MATR3: variants seen among roughly 807,000 people sequenced by gnomAD.
The protein encoded by MATR3 is matrin-3.
Under a neutral mutation model 85.5 loss-of-function variants are expected in MATR3, and 4 were observed. The observed-to-expected ratio is 0.05, with a 90% confidence interval of 0.02 to 0.11. The LOEUF is 0.11. Among genes scored for constraint, MATR3 ranks in the 10% least tolerant of loss-of-function variants. The pLI, the probability that MATR3 is intolerant of heterozygous loss-of-function variation, is 1.00. For synonymous variants in MATR3, 336 were observed against 343.1 expected (o/e 0.98, Z 0.23); for missense variants, 685 against 1,016.1 (o/e 0.67, Z 4.43).
chr5:139,326,396 T>G, intron 14 of MATR3, 112 bp downstream of exon 14: 1 of 985,784 alleles, frequency 1.0e-6, no homozygotes, highest in Non-Finnish European at 1.5e-6. Flanking sequence ...GTGCAGTGCT[T>G]TCTCCTGAAG....
intron 10 of MATR3, 32 bp from the exon 11 acceptor site, chr5:139,322,431 G>A (rs766439052): frequency 6.3e-7 from 1 of 1,587,012 alleles, no homozygotes. Flanking sequence ...TTCTGCAAAT[G>A]TGTTAACTTC....
chr5:139,315,148 A>ATT (rs576618521), intron 3 of MATR3: 94 of 172,728 alleles, frequency 5.4e-4, no homozygotes, highest in Middle Eastern at 3.0e-3. Context: ...TTGGTGATGA[A>ATT]TTTTTTTTTT....
chr5:139,315,858 T>C (rs894018753), intron 4 of MATR3, 120 bp downstream of exon 4: 57 of 921,198 alleles, frequency 6.2e-5, no homozygotes, highest in East Asian at 3.2e-4. Flanking sequence ...AATGAGACTT[T>C]GATAAAATTC....
In MATR3 at chr5:139,293,747, T is replaced by A. The variant is rs1235875331; in HGVS notation, c.-236T>A. 8.0e-6 allele frequency: 3 copies of A among 376,250 alleles called. No individual in the cohort carries two copies. Among genetic ancestry groups the A allele is most frequent in the Admixed American group, 4.6e-5 (1 of 21,862 alleles). 23.3% of individuals were successfully genotyped at this position (376,250 alleles called of 1,614,324 possible). ...GTTGCTGCGGGGGATTGTGGGAGTC[T>A]CCGCGTCCCGCTCGCTGGGAGAGAG... On this transcript the variant is annotated 5_prime_UTR_variant, in exon 1 of 15. Transcript: ENST00000394805.
chr5:139,316,582 C>T (rs1415375479), intron 5 of MATR3, among the ~76,000 whole-genome samples: 1 of 151,918 alleles, frequency 6.6e-6, no homozygotes, highest in Admixed American at 6.6e-5. Flanking sequence ...GATTCTCACT[C>T]CGTCACTCAG....
intron 2 of MATR3, chr5:139,312,743 C>T (rs537309830): frequency 6.6e-6 from 1 of 152,230 alleles, no homozygotes; most frequent in Non-Finnish European, 1.5e-5. Flanking sequence ...CCTCTGCCTC[C>T]CAGGTTCAAG....
At position 139,326,168 on chromosome 5, in the gene MATR3, G is replaced by C. The variant is rs1755842813; in HGVS notation, c.2377G>C (p.Asp793His). The C allele has an allele frequency of 2.5e-6, 4 of 1,598,626 alleles. No homozygotes were observed. The highest frequency in any genetic ancestry group is 1.3e-5 in the African/African-American group (1 of 74,582). ...PYQPNVPVGI[D>H]YVIPKTGFYC... ...ATGTATGTTTGTATTTCTAGGTATAGACTATGTGATACCTAAAACAGGGTT... is the reference window on the plus strand; with the variant it reads ...ATGTATGTTTGTATTTCTAGGTATACACTATGTGATACCTAAAACAGGGTT... Residue 793 changes from aspartate to histidine, a missense_variant, in exon 14 of 15, where the codon GAC becomes CAC. This residue lies in a region of MATR3 where 45 missense variants were observed against 82.5 expected (regional missense o/e 0.55). Transcript: ENST00000394805.
At chr5:139,279,219 T>C (rs1231611959) in intron 3 of MATR3, 3 of 452,330 alleles carry the variant, frequency 6.6e-6, no homozygotes, top group African/African-American at 4.0e-5. Flanking sequence ...TGAAAAATTA[T>C]GTAGAGTATC....
chr5:139,315,421 C>T, intron 3 of MATR3: 1 of 373,790 alleles, frequency 2.7e-6, no homozygotes, highest in South Asian at 3.0e-5. Flanking sequence ...TTGTGCGGCA[C>T]TTCCTCCTTA....
At chr5:139,315,892 T>C (rs1415136245) in intron 4 of MATR3, 154 bp downstream of exon 4, 1 of 770,634 alleles carries the variant, frequency 1.3e-6, no homozygotes. Context: ...ATTTTTAGAA[T>C]ATATATTATG....
chr5:139,325,066 G>GC (rs1055623768), intron 12 of MATR3, among the ~76,000 whole-genome samples: 1 of 152,076 alleles, frequency 6.6e-6, no homozygotes, highest in African/African-American at 2.4e-5. Flanking sequence ...GGTGGCGTGC[G>GC]CCTGTAGTCC....
chr5:139,331,224 T>C lies in MATR3; in HGVS notation c.*1829T>C, dbSNP rs1426111551. 8.8e-6 allele frequency: 4 copies of C among 454,036 alleles called. No homozygotes were observed. In the East Asian group the frequency reaches 2.1e-4, roughly 24 times the overall value. The allele number at this position is 454,036 out of a possible 1,614,324, so 28.1% of individuals were successfully genotyped here. The stretch of plus-strand genomic sequence containing the variant: ...TTTTATGATCTCTCCCGTTGAAAAG[T>C]AGGTGATGATTTTAATGTGACATGC... On this transcript the variant is annotated 3_prime_UTR_variant, in exon 15 of 15. Coordinates refer to ENST00000394805, the MANE Select transcript of MATR3 (RefSeq NM_018834.6).
At chr5:139,325,689 C>G in intron 13 of MATR3, 27 bp downstream of exon 13, 2 of 1,570,120 alleles carry the variant, frequency 1.3e-6, no homozygotes, top group Non-Finnish European at 1.8e-6. Context: ...TGTTCTTCAC[C>G]TTCCTCACTC....
At chr5:139,325,349 TGAG>T in intron 12 of MATR3, 88 bp from the exon 13 acceptor site, 1 of 1,592,396 alleles carries the variant, frequency 6.3e-7, no homozygotes, top group Non-Finnish European at 8.6e-7. Context: ...AGGTTGGTGA[TGAG>T]GAAGATTCGG....
At chr5:139,276,018 G>A (rs1160860647) in intron 1 of MATR3, 1 of 456,554 alleles carries the variant, frequency 2.2e-6, no homozygotes, top group East Asian at 6.9e-5. Flanking sequence ...GTCTGCTATT[G>A]TTTCTGTGGC....
At chr5:139,294,184 C>G (rs1233567817) in intron 1 of MATR3, 1 of 682,876 alleles carries the variant, frequency 1.5e-6, no homozygotes, top group African/African-American at 1.9e-5. Context: ...ACGCGGGCCG[C>G]GGCGCTGAGG....
intron 1 of MATR3, among the ~76,000 whole-genome samples, chr5:139,300,489 A>G (rs1325485449): frequency 6.6e-6 from 1 of 152,204 alleles, no homozygotes; most frequent in East Asian, 1.9e-4. Flanking sequence ...TAAGCTCTTT[A>G]TTCATTTGTC....
chr5:139,316,496 T>G (rs1166681800), intron 5 of MATR3, among the ~76,000 whole-genome samples: 1 of 152,108 alleles, frequency 6.6e-6, no homozygotes. Context: ...ACTACCCGCC[T>G]CAGCCTCCAA....
At chr5:139,295,519 C>T (rs1754101579) in intron 1 of MATR3, among the ~76,000 whole-genome samples, 1 of 152,152 alleles carries the variant, frequency 6.6e-6, no homozygotes, top group South Asian at 2.1e-4. Flanking sequence ...ATTTTTCAGC[C>T]GTGTACAGCT....
Sources: allele counts gnomAD v4.1 joint callset (sites outside exome capture counted in the v4.1 genomes callset), GRCh38; gene constraint gnomAD v4.1.1; regional missense constraint gnomAD v4.1.1; transcripts MANE v1.5; gene names NCBI Gene and HGNC (gene_info 2026-07-23, HGNC 2026-07-21).